C3orf22: variants seen among roughly 807,000 people sequenced by gnomAD.
The protein encoded by C3orf22 is chromosome 3 open reading frame 22, also known as uncharacterized protein C3orf22.
A neutral mutation model predicts 10.8 loss-of-function variants in C3orf22; 7 were observed. The observed-to-expected ratio is 0.65, with a 90% CI of 0.37 to 1.22. The LOEUF (loss-of-function observed/expected upper bound fraction) is 1.22. Among genes scored for constraint, C3orf22 ranks in the 50% most tolerant of loss-of-function variants. The pLI is 0.02. For synonymous variants in C3orf22, 79 were observed against 78.9 expected, an observed-to-expected ratio of 1.00 and a Z score of 0.00; for missense variants, 173 against 177.0, an observed-to-expected ratio of 0.98 and a Z score of 0.13.
intron 4 of C3orf22, among the ~76,000 whole-genome samples, chr3:126,537,035 C>G (rs2363032): frequency 0.53 from 80,464 of 152,080 alleles, 23,791 homozygotes; most frequent in South Asian, 0.73. Context: ...GGTCCCTCCC[C>G]TAGTGGAGCC....
chr3:126,532,134 G>T (rs1488829898), intron 4 of C3orf22, among the ~76,000 whole-genome samples: 3 of 152,162 alleles, frequency 2.0e-5, no homozygotes, highest in East Asian at 1.9e-4. Flanking sequence ...TTGTTCCATT[G>T]TAAGAGTTCT....
chr3:126,547,437 A>G (rs912278592), downstream of C3orf22, among the ~76,000 whole-genome samples: 1 of 152,230 alleles, frequency 6.6e-6, no homozygotes, highest in Non-Finnish European at 1.5e-5. Context: ...GGCTGCAAAC[A>G]CATCCCAGCT....
intron 3 of C3orf22, 132 bp from the exon 4 acceptor site, chr3:126,550,210 C>T (rs1937150348): frequency 9.9e-7 from 1 of 1,008,110 alleles, no homozygotes; most frequent in African/African-American, 1.6e-5. Context: ...CCAGGCTTGA[C>T]CTGGCCCCTT....
At chr3:126,543,366 T>C (rs1437426907) in intron 4 of C3orf22, 1 of 152,246 alleles carries the variant, frequency 6.6e-6, no homozygotes, top group Non-Finnish European at 1.5e-5. Flanking sequence ...AACCACTCCG[T>C]CTCCAAGCCT....
chr3:126,549,754 C>T lies in C3orf22; in HGVS notation c.*114G>A, dbSNP rs1937137009. The T allele has an allele frequency of 6.6e-7, 1 of 1,507,270 alleles. No homozygotes were observed. The highest frequency in any genetic ancestry group is 1.4e-5 in the African/African-American group (1 of 72,326). The allele number at this position is 1,507,270 out of a possible 1,614,324, so 93.4% of individuals were successfully genotyped here. The stretch of plus-strand genomic sequence containing the variant: ...TTTTTGGGGGGACCACAAACCACTC[C>T]CGGTCTATGATGGCCATGAAGGCTG... On this transcript the variant is annotated 3_prime_UTR_variant, in exon 4 of 4. Transcript: ENST00000318225.
At chr3:126,529,690 G>A (rs992825128) in intron 4 of C3orf22, among the ~76,000 whole-genome samples, 25 of 151,990 alleles carry the variant, frequency 1.6e-4, no homozygotes, top group African/African-American at 4.4e-4. Flanking sequence ...TCCCAGCCTC[G>A]GGCCCTGTCG....
At chr3:126,543,744 TTGTG>T (rs1489626970) in intron 4 of C3orf22, among the ~76,000 whole-genome samples, 6 of 151,540 alleles carry the variant, frequency 4.0e-5, no homozygotes, top group Admixed American at 1.3e-4. Context: ...GTGAGAGGAA[TTGTG>T]TGTATGTGTA....
intron 3 of C3orf22, among the ~76,000 whole-genome samples, chr3:126,550,285 C>CA (rs1186636272): frequency 2.6e-5 from 4 of 152,112 alleles, no homozygotes; most frequent in Non-Finnish European, 4.4e-5. Flanking sequence ...CTCACCCCCC[C>CA]ACACAGGCTC....
chr3:126,554,398 G>A (rs995488033), intron 1 of C3orf22, among the ~76,000 whole-genome samples: 2 of 151,958 alleles, frequency 1.3e-5, no homozygotes, highest in African/African-American at 2.4e-5. Flanking sequence ...CAAGTAGCTG[G>A]GATTACAGGC....
At chr3:126,553,537 C>T (rs1037464046) in intron 1 of C3orf22, 107 bp from the exon 2 acceptor site, 1 of 701,854 alleles carries the variant, frequency 1.4e-6, no homozygotes, top group Non-Finnish European at 2.5e-6. Flanking sequence ...GCCAAATGAC[C>T]TGCATCACTG....
intron 4 of C3orf22, chr3:126,542,315 C>A: frequency 6.4e-7 from 1 of 1,569,138 alleles, no homozygotes; most frequent in Admixed American, 1.8e-5. Context: ...CGCGCTCTGC[C>A]ACCCGTGTCG....
chr3:126,546,349 G>A (rs1937067330), downstream of C3orf22, among the ~76,000 whole-genome samples: 1 of 152,196 alleles, frequency 6.6e-6, no homozygotes, highest in Admixed American at 6.5e-5. Context: ...ATTTCCCCAC[G>A]GGGACTGGGC....
intron 4 of C3orf22, chr3:126,542,538 T>G (rs546173379): frequency 6.5e-7 from 1 of 1,532,826 alleles, no homozygotes; most frequent in Non-Finnish European, 8.7e-7. Context: ...GACTTCCTGC[T>G]TTTCAACTAC....
intron 4 of C3orf22, among the ~76,000 whole-genome samples, chr3:126,539,325 G>A (rs1017065289): frequency 6.6e-6 from 1 of 152,024 alleles, no homozygotes; most frequent in African/African-American, 2.4e-5. Context: ...CAACATAAAT[G>A]TTAAGCCCTG....
chr3:126,541,891 C>A, intron 4 of C3orf22: 1 of 1,600,512 alleles, frequency 6.2e-7, no homozygotes, highest in Non-Finnish European at 8.5e-7. Flanking sequence ...GCTACGTGCC[C>A]AAGGTGGCCT....
intron 4 of C3orf22, among the ~76,000 whole-genome samples, chr3:126,538,433 T>G (rs776989072): frequency 3.3e-5 from 5 of 152,216 alleles, no homozygotes; most frequent in Admixed American, 6.5e-5. Context: ...TCCCCTGATA[T>G]CGCCTCAGGC....
downstream of C3orf22, among the ~76,000 whole-genome samples, chr3:126,548,364 G>A (rs1318221686): frequency 6.6e-6 from 1 of 152,196 alleles, no homozygotes; most frequent in Admixed American, 6.5e-5. Flanking sequence ...AGGGACTCAG[G>A]GTGTGGTGAA....
chr3:126,548,230 A>G (rs1437035839), downstream of C3orf22, among the ~76,000 whole-genome samples: 1 of 152,200 alleles, frequency 6.6e-6, no homozygotes, highest in Non-Finnish European at 1.5e-5. Context: ...CCTGGGCTCA[A>G]GTGATCCACC....
intron 4 of C3orf22, among the ~76,000 whole-genome samples, chr3:126,532,045 T>C (rs1936671481): frequency 6.6e-6 from 1 of 152,250 alleles, no homozygotes; most frequent in Non-Finnish European, 1.5e-5. Context: ...CCTTTTCATG[T>C]GCTTATTGCT....
Sources: gnomAD v4.1 joint callset for allele counts (sites outside exome capture counted in the v4.1 genomes callset) on GRCh38, gnomAD v4.1.1 for gene constraint, MANE v1.5 for transcripts, NCBI Gene and HGNC (gene_info 2026-07-23, HGNC 2026-07-21) for gene names.